METAP1D: variants seen among roughly 807,000 people sequenced by gnomAD.
METAP1D encodes methionine aminopeptidase 1D, mitochondrial.
Under a neutral mutation model 40.5 loss-of-function variants are expected in METAP1D, and 31 were observed. The ratio of observed to expected loss-of-function variants is 0.77; its 90% CI spans 0.58 to 1.03. METAP1D has a LOEUF of 1.03. METAP1D is among the 50% of genes least tolerant of loss of function. The pLI, the probability that METAP1D is intolerant of heterozygous loss-of-function variation, is 0.00. For synonymous variants in METAP1D, 151 were observed against 146.4 expected (o/e 1.03, Z -0.22); for missense variants, 411 against 420.7 (o/e 0.98, Z 0.20).
chr2:172,045,121 G>T (rs1438930711), intron 1 of METAP1D, among the ~76,000 whole-genome samples: 1 of 134,488 alleles, frequency 7.4e-6, no homozygotes, highest in African/African-American at 2.5e-5. Context: ...AAGACAAGTT[G>T]CAGTGTTTGT....
At chr2:172,013,267 C>G (rs1688771774) in intron 1 of METAP1D, among the ~76,000 whole-genome samples, 1 of 152,202 alleles carries the variant, frequency 6.6e-6, no homozygotes, top group African/African-American at 2.4e-5. Context: ...CAGGTCCACC[C>G]CCTCCTGCCT....
chr2:172,078,925 C>T (rs997310110), intron 7 of METAP1D, among the ~76,000 whole-genome samples: 31 of 152,222 alleles, frequency 2.0e-4, no homozygotes, highest in African/African-American at 7.2e-4. Flanking sequence ...GGAGAGGGGG[C>T]GAGGAAGCCT....
chr2:172,037,353 C>T (rs754734555), intron 1 of METAP1D, among the ~76,000 whole-genome samples: 1 of 151,484 alleles, frequency 6.6e-6, no homozygotes, highest in South Asian at 2.1e-4. Context: ...TTCTGGTCAT[C>T]GATATCTACT....
chr2:172,079,413 C>A, intron 8 of METAP1D, 151 bp downstream of exon 8: 1 of 735,394 alleles, frequency 1.4e-6, no homozygotes, highest in Non-Finnish European at 2.3e-6. Context: ...AAATAATATC[C>A]TCAAGCCCCA....
intron 1 of METAP1D, among the ~76,000 whole-genome samples, chr2:172,019,592 AG>A (rs1455942444): frequency 3.3e-5 from 5 of 151,866 alleles, no homozygotes; most frequent in African/African-American, 1.2e-4. Context: ...TATATTTCCA[AG>A]GAGGAAAGGG....
intron 1 of METAP1D, among the ~76,000 whole-genome samples, chr2:172,013,811 T>C (rs1011412701): frequency 7.1e-6 from 1 of 141,474 alleles, no homozygotes; most frequent in Non-Finnish European, 1.5e-5. Context: ...AGAAACATTA[T>C]ACTTTTTTTT....
At chr2:172,065,859 A>G (rs2105482265) in intron 4 of METAP1D, 107 bp downstream of exon 4, 2 of 1,197,862 alleles carry the variant, frequency 1.7e-6, no homozygotes, top group Non-Finnish European at 2.3e-6. Flanking sequence ...CCCACCGGTA[A>G]ACTTCTGAAA....
intron 6 of METAP1D, among the ~76,000 whole-genome samples, chr2:172,072,907 C>T (rs1559021523): frequency 1.3e-5 from 2 of 152,058 alleles, no homozygotes; most frequent in Admixed American, 1.3e-4. Context: ...GAGGAACAGG[C>T]GTGCAGATGA....
intron 1 of METAP1D, among the ~76,000 whole-genome samples, chr2:172,026,833 C>T (rs893655445): frequency 6.6e-6 from 1 of 152,116 alleles, no homozygotes; most frequent in Non-Finnish European, 1.5e-5. Context: ...GACACAGTCA[C>T]CAATTCTGTA....
chr2:172,062,593 C>T (rs1310984212), intron 2 of METAP1D, among the ~76,000 whole-genome samples: 1 of 152,196 alleles, frequency 6.6e-6, no homozygotes, highest in Non-Finnish European at 1.5e-5. Context: ...GATCACAGAG[C>T]AGAGTGGAGA....
chr2:172,000,289 T>C (rs1338740204), intron 1 of METAP1D, among the ~76,000 whole-genome samples: 8 of 152,232 alleles, frequency 5.3e-5, no homozygotes, highest in Non-Finnish European at 1.0e-4. Flanking sequence ...GAAGTTTTTT[T>C]CCCCAACTTC....
intron 1 of METAP1D, among the ~76,000 whole-genome samples, chr2:172,005,511 G>A (rs1044225673): frequency 2.7e-5 from 3 of 112,312 alleles, no homozygotes; most frequent in Admixed American, 1.9e-4. Flanking sequence ...ATTCCATGGT[G>A]TCTGTATTTT....
At chr2:172,053,605 A>G (rs903818989) in intron 1 of METAP1D, among the ~76,000 whole-genome samples, 5 of 152,220 alleles carry the variant, frequency 3.3e-5, no homozygotes, top group South Asian at 2.1e-4. Flanking sequence ...CATTTGTAAA[A>G]TCAATTAGAT....
Position 172,017,045 on chromosome 2 carries a change from G to A in METAP1D, c.40+17036G>A, listed in dbSNP as rs117814579. ...ATTGTGGTCTATGCTTCTTTGTAAC[G>A]TATATCACATTTTAAAATCACGTTC... On this transcript the variant is annotated intron_variant, in intron 1 of 9. Transcript: ENST00000315796. 3.4e-3 allele frequency among the ~76,000 whole-genome samples: 518 copies of A among 152,072 alleles called. 13 individuals are homozygous for A. The East Asian group carries it at 0.073, about 21-fold the overall frequency.
At chr2:172,053,488 C>T (rs1689933616) in intron 1 of METAP1D, among the ~76,000 whole-genome samples, 1 of 152,062 alleles carries the variant, frequency 6.6e-6, no homozygotes, top group South Asian at 2.1e-4. Flanking sequence ...AATGTAAGAA[C>T]CATATTTGAA....
At chr2:172,080,013 G>C (rs1690662247) in intron 8 of METAP1D, 115 bp from the exon 9 acceptor site, 1 of 842,144 alleles carries the variant, frequency 1.2e-6, no homozygotes, top group Non-Finnish European at 1.9e-6. Context: ...ATGAGCCTGT[G>C]GGGGAAGCAC....
At chr2:172,039,914 A>C (rs1352830204) in intron 1 of METAP1D, among the ~76,000 whole-genome samples, 2 of 151,796 alleles carry the variant, frequency 1.3e-5, no homozygotes, top group African/African-American at 4.8e-5. Flanking sequence ...TGACCTCGTG[A>C]TCTGCCCACC....
intron 1 of METAP1D, among the ~76,000 whole-genome samples, chr2:172,059,066 C>T (rs867078582): frequency 2.0e-5 from 3 of 152,030 alleles, no homozygotes; most frequent in Middle Eastern, 3.4e-3. Flanking sequence ...TAGGTCGATA[C>T]GGGGCCCAAG....
intron 1 of METAP1D, among the ~76,000 whole-genome samples, chr2:172,046,987 G>C (rs1689776835): frequency 6.6e-6 from 1 of 152,172 alleles, no homozygotes; most frequent in African/African-American, 2.4e-5. Context: ...TTTGTGTATT[G>C]TGTAAATAGG....
Sources: allele counts gnomAD v4.1 joint callset (sites outside exome capture counted in the v4.1 genomes callset), GRCh38; gene constraint gnomAD v4.1.1; transcripts MANE v1.5; gene names NCBI Gene and HGNC (gene_info 2026-07-23, HGNC 2026-07-21).